The following ADAMTS7 variants were observed in gnomAD, a reference collection of about 807,000 sequenced individuals.
The protein encoded by ADAMTS7 is A disintegrin and metalloproteinase with thrombospondin motifs 7.
Under a neutral mutation model 172.6 loss-of-function variants are expected in ADAMTS7, and 89 were observed. That is an observed-to-expected ratio of 0.52 (90% confidence interval 0.43 to 0.61). The LOEUF is 0.61. Ranked by LOEUF, ADAMTS7 falls within the 20% of genes least tolerant of loss-of-function variation. The pLI, the probability that ADAMTS7 is intolerant of heterozygous loss-of-function variation, is 0.00. For synonymous variants in ADAMTS7, 885 were observed against 978.4 expected, an observed-to-expected ratio of 0.90 and a Z score of 1.78; for missense variants, 1,973 against 2,355.6, an observed-to-expected ratio of 0.84 and a Z score of 3.36.
chr15:78,810,484 G>C (rs1481793261), intron 1 of ADAMTS7: 1 of 152,308 alleles, frequency 6.6e-6, no homozygotes, highest in African/African-American at 2.4e-5. Context: ...GGCGGGGAGA[G>C]TTAACCCATG....
chr15:78,795,386 T>C (rs2055629962), intron 4 of ADAMTS7, among the ~76,000 whole-genome samples: 1 of 152,156 alleles, frequency 6.6e-6, no homozygotes, highest in African/African-American at 2.4e-5. Flanking sequence ...GGTGTCCCAG[T>C]GAGGGAAGAA....
rs929378235 is a variant in ADAMTS7 at position 78,763,806 on chromosome 15, C to G, written c.4633G>C (p.Val1545Leu). The G allele has an allele frequency of 1.3e-6, 2 of 1,582,484 alleles. No individual in the cohort carries two copies. Among genetic ancestry groups the G allele is most frequent in the African/African-American group, 2.7e-5 (2 of 74,574 alleles). ...ACGGGEQQRL[V>L]TCPEPGLCEE... ...CAGAGGCCTGGCTCCGGGCAGGTCA[C>G]TAGACGCTGCTGCTCACCACCGCCA... The change falls in exon 22 of 24, where the codon GTG becomes CTG. Residue 1545 changes from valine (V) to leucine (L), a missense_variant. By Grantham distance (32) the Val-to-Leu change is conservative. Transcript: ENST00000388820.
chr15:78,799,703 A>G (rs2055692685), intron 2 of ADAMTS7, among the ~76,000 whole-genome samples: 1 of 152,184 alleles, frequency 6.6e-6, no homozygotes, highest in South Asian at 2.1e-4. Flanking sequence ...TGCATCTTCA[A>G]TATTACCTGA....
intron 2 of ADAMTS7, among the ~76,000 whole-genome samples, chr15:78,799,002 T>G (rs552325632): frequency 7.1e-6 from 1 of 141,738 alleles, no homozygotes; most frequent in Non-Finnish European, 1.5e-5. Context: ...AGTTCCCCTC[T>G]GAGCCTGTTT....
chr15:78,768,309 C>A (rs957180117), intron 16 of ADAMTS7, 50 bp from the exon 17 acceptor site: 9 of 1,607,548 alleles, frequency 5.6e-6, no homozygotes, highest in Non-Finnish European at 7.6e-6. Context: ...TGCCCACCAC[C>A]CAAGACCCAA....
Position 78,763,956 on chromosome 15 carries a change from G to T in ADAMTS7, c.4563C>A (p.Cys1521Ter), listed in dbSNP as rs1017826266. Reference sequence around the variant, plus strand: ...TCCAGGAAGATGTGTACCAGCTGAGGCAGGGCTGGGCCCCGCAGGGCCGGT... The same window carrying T: ...TCCAGGAAGATGTGTACCAGCTGAGTCAGGGCTGGGCCCCGCAGGGCCGGT... The part of the protein sequence containing the change: ...PAHRPCGAQP[C>*]LSWYTSSWRE... The change falls in exon 21 of 24, where the codon TGC becomes TGA. Residue 1521 changes from cysteine (C) to a stop codon, truncating the protein, a stop_gained. Coordinates refer to ENST00000388820, the MANE Select transcript of ADAMTS7 (RefSeq NM_014272.5). LOFTEE classifies it high-confidence loss of function. 6.5e-7 allele frequency: 1 copy of T among 1,546,172 alleles called. No homozygotes were observed. The highest frequency in any genetic ancestry group is 2.0e-5 in the Admixed American group (1 of 50,860).
intron 16 of ADAMTS7, among the ~76,000 whole-genome samples, chr15:78,769,448 A>G (rs1443217537): frequency 6.6e-6 from 1 of 152,032 alleles, no homozygotes; most frequent in Admixed American, 6.6e-5. Context: ...AACACACCCC[A>G]CTGCCGCTCC....
rs80293041 is a variant in ADAMTS7, at chr15:78,806,691, G to A, written c.100+4430C>T. On this transcript the variant is annotated intron_variant, in intron 1 of 23. Coordinates refer to ENST00000388820, the MANE Select transcript of ADAMTS7 (RefSeq NM_014272.5). ...TACTTCCCAGGTTCACTCGCAGTGG[G>A]AGATTTCCTAACTTTCCCAAGGATC... 5.0e-3 allele frequency among the ~76,000 whole-genome samples: 760 copies of A among 152,262 alleles called. 7 individuals carry two copies. The highest frequency in any genetic ancestry group is 0.017 in the Middle Eastern group (5 of 294).
chr15:78,763,901 C>A lies in ADAMTS7; in HGVS notation c.4593+25G>T, dbSNP rs199657348. 4.3e-4 allele frequency: 674 copies of A among 1,560,758 alleles called. 2 individuals carry two copies. The highest frequency in any genetic ancestry group is 8.7e-5 in the Non-Finnish European group (101 of 1,155,570). On this transcript the variant is annotated intron_variant, in intron 21 of 23. Coordinates refer to ENST00000388820, the MANE Select transcript of ADAMTS7 (RefSeq NM_014272.5). ...GCCAGGGTCTGAGGGCGTCCCCTCC[C>A]CCCAACTCAACGGCCAGGCCTCACC...
In ADAMTS7 at chr15:78,764,579, G is replaced by C. The variant is rs1409351177; in HGVS notation, c.4395C>G (p.Thr1465=). ...CCTTACTCCAGTTGCCTGAGTGCCA[G>C]GTGGCACAGGGCCGCAGGTGGCAGC... ...ARRCHLRPCA[T]WHSGNWSKCS... is the part of the protein sequence containing the mutation. Residue 1465 remains threonine, a synonymous_variant, in exon 20 of 24, where the codon ACC becomes ACG. Coordinates refer to ENST00000388820, the MANE Select transcript of ADAMTS7 (RefSeq NM_014272.5). The C allele has an allele frequency of 6.4e-7, 1 of 1,556,400 alleles. No homozygotes were observed. Among genetic ancestry groups the C allele is most frequent in the East Asian group, 2.3e-5 (1 of 42,750 alleles).
rs756181460 is a variant in ADAMTS7, at chr15:78,789,673, G to C, written c.1178+16C>G. On this transcript the variant is annotated intron_variant, in intron 7 of 23. Coordinates refer to ENST00000388820, the MANE Select transcript of ADAMTS7 (RefSeq NM_014272.5). ...AAGCTCGGCTCTCAGTGTAGCAATG[G>C]GGGCAGGCACAGTACCTGTGCCCGA... The C allele has an allele frequency of 6.2e-7, 1 of 1,613,382 alleles. No individual in the cohort carries two copies. Among genetic ancestry groups the C allele is most frequent in the Non-Finnish European group, 8.5e-7 (1 of 1,179,832 alleles).
At position 78,765,784 on chromosome 15, in the gene ADAMTS7, G is replaced by T; in HGVS notation, c.4127C>A (p.Thr1376Lys). The change falls in exon 19 of 24, where the codon ACA (threonine) becomes AAA (lysine). Residue 1376 changes from threonine (T) to lysine (K), a missense_variant. Transcript: ENST00000388820. Reference protein sequence around the residue: ...EVPLSSRLLSTPAWDSPANSH... With the variant: ...EVPLSSRLLSKPAWDSPANSH... ...GTTGGCGGGGCTGTCCCAAGCTGGTGTGGACAGCAGCCTAGAGCTCAGGGG... is the reference window on the plus strand; with the variant it reads ...GTTGGCGGGGCTGTCCCAAGCTGGTTTGGACAGCAGCCTAGAGCTCAGGGG... 1 of 1,607,790 alleles carries T rather than the reference G, an allele frequency of 6.2e-7. No individual in the cohort carries two copies. Among genetic ancestry groups the T allele is most frequent in the Non-Finnish European group, 8.5e-7 (1 of 1,178,962 alleles).
chr15:78,797,319 G>A (rs2141518909), intron 3 of ADAMTS7, among the ~76,000 whole-genome samples: 1 of 152,368 alleles, frequency 6.6e-6, no homozygotes, highest in South Asian at 2.1e-4. Flanking sequence ...TGAGGAAACT[G>A]AGGCCAAGAA....
chr15:78,802,492 T>C (rs1429978459), intron 1 of ADAMTS7, among the ~76,000 whole-genome samples: 1 of 152,220 alleles, frequency 6.6e-6, no homozygotes, highest in East Asian at 1.9e-4. Context: ...ACAGGGTAGC[T>C]CTGGTTTCTT....
In ADAMTS7 at chr15:78,767,265, T is replaced by C. The variant is rs972137136; in HGVS notation, c.2859+114A>G. The C allele has an allele frequency of 1.2e-5, 17 of 1,368,112 alleles. No individual in the cohort carries two copies. The African/African-American group carries it at 2.4e-4, about 20-fold the overall frequency. The allele number at this position is 1,368,112 out of a possible 1,614,324, so 84.7% of individuals were successfully genotyped here. ...GGCTTTAGAGTCAGGGGCTGGACCC[T>C]GGAATGCCCAGGTTCCCTCCCACCC... is the stretch of plus-strand genomic sequence containing the variant. On this transcript the variant is annotated intron_variant, in intron 18 of 23. Coordinates refer to ENST00000388820, the MANE Select transcript of ADAMTS7 (RefSeq NM_014272.5).
intron 16 of ADAMTS7, among the ~76,000 whole-genome samples, chr15:78,768,644 G>A (rs1163556774): frequency 2.0e-5 from 3 of 152,212 alleles, no homozygotes; most frequent in South Asian, 2.1e-4. Flanking sequence ...AGGGAGGACT[G>A]CGTGTGTTCT....
At position 78,767,425 on chromosome 15, in the gene ADAMTS7, C is replaced by T. The variant is rs543802541; in HGVS notation, c.2813G>A (p.Arg938His). ...PRPPTETPCNRHVPCPATWAV... is the reference protein window; with the variant it reads ...PRPPTETPCNHHVPCPATWAV... ...CCAGGTGGCCGGACAGGGTACATGG[C>T]GGTTGCAAGGGGTTTCAGTAGGGGG... Residue 938 changes from arginine (R) to histidine (H), a missense_variant, in exon 18 of 24, where the codon CGC (arginine) becomes CAC (histidine). By Grantham distance (29) the Arg-to-His change is conservative. Coordinates refer to ENST00000388820, the MANE Select transcript of ADAMTS7 (RefSeq NM_014272.5). The T allele has an allele frequency of 8.7e-6, 14 of 1,611,784 alleles. No homozygotes were observed. Among genetic ancestry groups the T allele is most frequent in the Middle Eastern group, 4.5e-4 (2 of 4,426 alleles).
rs373605289 is a variant in ADAMTS7, at chr15:78,796,699, G to A, written c.710C>T (p.Ser237Leu). The change falls in exon 4 of 24, where the codon TCG becomes TTG. Residue 237 changes from serine to leucine, a missense_variant. Physicochemically the swap from Ser to Leu is moderately radical, Grantham distance 145. Transcript: ENST00000388820. ...RPRLRRLHQRSVSKEKWVETL... is the reference protein window; with the variant it reads ...RPRLRRLHQRLVSKEKWVETL... The stretch of plus-strand genomic sequence containing the variant: ...CTCCACCCACTTCTCTTTGCTGACC[G>A]ACCGCTGGTGTAGACGCCTCAGCCG... The A allele has an allele frequency of 2.9e-5, 47 of 1,613,598 alleles. 1 individual carries two copies. The highest frequency in any genetic ancestry group is 3.5e-5 in the Non-Finnish European group (41 of 1,179,990).
In ADAMTS7 at chr15:78,765,746, G is replaced by T. The variant is rs145671340; in HGVS notation, c.4165C>A (p.Pro1389Thr). The change falls in exon 19 of 24, where the codon CCT becomes ACT. Residue 1389 changes from proline (P) to threonine (T), a missense_variant. This residue lies in a region of ADAMTS7 where 771 missense variants were observed against 952.6 expected (regional missense o/e 0.81). Transcript: ENST00000388820. Reference protein sequence around the residue: ...WDSPANSHRVPETQPLAPSLA... With the variant: ...WDSPANSHRVTETQPLAPSLA... ...CTGGGAGCCAGCGGCTGGGTCTCAGGGACTCTGTGGCTGTTGGCGGGGCTG... is the reference window on the plus strand; with the variant it reads ...CTGGGAGCCAGCGGCTGGGTCTCAGTGACTCTGTGGCTGTTGGCGGGGCTG... The T allele has an allele frequency of 3.1e-6, 5 of 1,610,694 alleles. No individual in the cohort carries two copies. Among genetic ancestry groups the T allele is most frequent in the Non-Finnish European group, 4.2e-6 (5 of 1,179,802 alleles).
Sources: gnomAD v4.1 joint callset for allele counts (sites outside exome capture counted in the v4.1 genomes callset) on GRCh38, gnomAD v4.1.1 for gene constraint, gnomAD v4.1.1 regional missense constraint, MANE v1.5 for transcripts, NCBI Gene and HGNC (gene_info 2026-07-23, HGNC 2026-07-21) for gene names.